The following SPTBN1 variants were observed in gnomAD, a reference collection of about 807,000 sequenced individuals.
SPTBN1 encodes spectrin beta, non-erythrocytic 1, also known as spectrin beta chain, non-erythrocytic 1.
A neutral mutation model predicts 266.4 loss-of-function variants in SPTBN1; 32 were observed. The observed-to-expected ratio is 0.12, with a 90% CI of 0.09 to 0.16. SPTBN1 has a LOEUF of 0.16. SPTBN1 is among the 10% of genes least tolerant of loss of function. SPTBN1 has a pLI of 1.00. For synonymous variants in SPTBN1, 1,336 were observed against 1,162.2 expected, an observed-to-expected ratio of 1.15 and a Z score of -3.04; for missense variants, 2,296 against 3,067.1, an observed-to-expected ratio of 0.75 and a Z score of 5.94.
At chr2:54,647,983 A>G (rs896070997) in intron 24 of SPTBN1, among the ~76,000 whole-genome samples, 1 of 152,238 alleles carries the variant, frequency 6.6e-6, no homozygotes, top group Admixed American at 6.5e-5. Flanking sequence ...ACAAGAATGC[A>G]TAGACCTGTA....
Position 54,618,291 on chromosome 2 carries a change from T to G in SPTBN1, c.763+98T>G, listed in dbSNP as rs1284533548. The G allele has an allele frequency of 5.6e-6, 6 of 1,072,398 alleles. No individual in the cohort carries two copies. In the Admixed American group the frequency reaches 1.1e-4, roughly 19 times the overall value. 66.4% of individuals were successfully genotyped at this position (1,072,398 alleles called of 1,614,324 possible). A position where few individuals can be genotyped will look rare whatever the true frequency, so the allele number is the denominator to read the frequency against. On this transcript the variant is annotated intron_variant, in intron 7 of 35. Transcript: ENST00000356805. ...TGTGTCAGTCTGTTTCATTTGGGAG[T>G]TATCAAAGGAAGAGCTTAATTTTGG...
intron 1 of SPTBN1, among the ~76,000 whole-genome samples, chr2:54,489,194 G>T (rs759358714): frequency 6.8e-6 from 1 of 148,064 alleles, no homozygotes; most frequent in Non-Finnish European, 1.5e-5. Context: ...GGTGGTGTGT[G>T]CCTACAGTCC....
At chr2:54,610,348 C>G (rs1205495021) in intron 3 of SPTBN1, among the ~76,000 whole-genome samples, 1 of 152,172 alleles carries the variant, frequency 6.6e-6, no homozygotes, top group East Asian at 1.9e-4. Flanking sequence ...CATTTTTTCT[C>G]AAATCATATT....
rs11903764 is a variant in SPTBN1 at position 54,473,049 on chromosome 2, G to A, written c.-48+16531G>A. Among the ~76,000 whole-genome samples the A allele has an allele frequency of 6.4e-3, 979 of 152,256 alleles. 12 individuals are homozygous for A. The highest frequency in any genetic ancestry group is 0.022 in the African/African-American group (929 of 41,540). On this transcript the variant is annotated intron_variant, in intron 1 of 35. Transcript: ENST00000356805. ...TGTGATAATTTCATAGCTCTGTAGC[G>A]TATCCTGAAAATGGCTTTGTTTCTT...
intron 2 of SPTBN1, among the ~76,000 whole-genome samples, chr2:54,579,541 A>ACAGTTC (rs1265067213): frequency 6.6e-6 from 1 of 152,222 alleles, no homozygotes; most frequent in Non-Finnish European, 1.5e-5. Context: ...TTAATACCTG[A>ACAGTTC]ACTGTGGACA....
chr2:54,656,722 T>G (rs567894492), intron 29 of SPTBN1, among the ~76,000 whole-genome samples: 1 of 152,342 alleles, frequency 6.6e-6, no homozygotes, highest in East Asian at 1.9e-4. Context: ...GGGCCTTTTC[T>G]GAGAGGTTTG....
At chr2:54,565,469 ACCTGCCTCAGTTCT>A (rs1673601550) in intron 2 of SPTBN1, among the ~76,000 whole-genome samples, 2 of 152,198 alleles carry the variant, frequency 1.3e-5, no homozygotes, top group South Asian at 4.1e-4. Context: ...GGGGTCAGTT[ACCTGCCTCAGTTCT>A]CCCACAGTTG....
At chr2:54,642,507 AG>A (rs1679639155) in intron 18 of SPTBN1, among the ~76,000 whole-genome samples, 1 of 149,384 alleles carries the variant, frequency 6.7e-6, no homozygotes, top group African/African-American at 2.5e-5. Flanking sequence ...ACCCACAAAA[AG>A]GGGGAGGTAA....
intron 2 of SPTBN1, among the ~76,000 whole-genome samples, chr2:54,569,621 C>T (rs746687215): frequency 1.1e-4 from 17 of 152,056 alleles, no homozygotes; most frequent in Non-Finnish European, 2.1e-4. Flanking sequence ...TGCCTCTTAC[C>T]AAATATTGGC....
rs1042291488 is a variant in SPTBN1, at chr2:54,533,348, TAG to T, written c.148+6783_148+6784del. On this transcript the variant is annotated intron_variant, in intron 2 of 35. Coordinates refer to ENST00000356805, the MANE Select transcript of SPTBN1 (RefSeq NM_003128.3). The surrounding 1 kb of genome is among the most constrained non-coding windows in gnomAD (Gnocchi z 4.2). ...AAGTGAAACCCAGGCTAAAGGGGAC[TAG>T]TGTGTGTGTGTGTGTGTGTGTGTGT... Among the ~76,000 whole-genome samples the T allele has an allele frequency of 8.4e-6, 1 of 119,610 alleles. No individual in the cohort carries two copies. Among genetic ancestry groups the T allele is most frequent in the African/African-American group, 3.5e-5 (1 of 28,836 alleles). The allele number at this position is 119,610 out of a possible 152,430, so 78.5% of individuals were successfully genotyped here. A position where few individuals can be genotyped will look rare whatever the true frequency, so the allele number is the denominator to read the frequency against.
intron 34 of SPTBN1, among the ~76,000 whole-genome samples, chr2:54,666,823 C>A (rs1681402438): frequency 6.6e-6 from 1 of 152,184 alleles, no homozygotes; most frequent in Non-Finnish European, 1.5e-5. Context: ...TGGACTAGGC[C>A]CAGGGCTCCA....
At position 54,628,199 on chromosome 2, in the gene SPTBN1, C is replaced by T. The variant is rs1215130610; in HGVS notation, c.1747C>T (p.Arg583Trp). The T allele has an allele frequency of 1.2e-6, 2 of 1,613,922 alleles. No individual in the cohort carries two copies. Among genetic ancestry groups the T allele is most frequent in the Non-Finnish European group, 1.7e-6 (2 of 1,179,946 alleles). The change falls in exon 13 of 36, where the codon CGG becomes TGG. Residue 583 changes from arginine (R) to tryptophan (W), a missense_variant. By Grantham distance (101) the Arg-to-Trp change is moderately radical (BLOSUM62 -3). This residue lies in a region of SPTBN1 where 434 missense variants were observed against 573.9 expected (regional missense o/e 0.76). Coordinates refer to ENST00000356805, the MANE Select transcript of SPTBN1 (RefSeq NM_003128.3). The surrounding 1 kb of genome is among the most constrained non-coding windows in gnomAD (Gnocchi z 4.3). ...AGCAGACATTGGCATCCAGGCAGAG[C>T]GGGTGAGAGGTGTCAATGCCTCCGC... ...VEADIGIQAE[R>W]VRGVNASAQK...
chr2:54,648,050 C>T lies in SPTBN1; in HGVS notation c.4997+789C>T, dbSNP rs560988154. ...ATAACACCTCCTAACTCTTCGATATCAAGTGATTAGAACACCTTCGAGGAA... is the reference window on the plus strand; with the variant it reads ...ATAACACCTCCTAACTCTTCGATATTAAGTGATTAGAACACCTTCGAGGAA... On this transcript the variant is annotated intron_variant, in intron 24 of 35. Coordinates refer to ENST00000356805, the MANE Select transcript of SPTBN1 (RefSeq NM_003128.3). Among the ~76,000 whole-genome samples, 5 of 152,308 alleles carry T rather than the reference C, an allele frequency of 3.3e-5. No individual in the cohort carries two copies. In the East Asian group the frequency reaches 9.6e-4, roughly 29 times the overall value.
At chr2:54,565,085 T>A (rs1673577262) in intron 2 of SPTBN1, among the ~76,000 whole-genome samples, 1 of 152,170 alleles carries the variant, frequency 6.6e-6, no homozygotes, top group Admixed American at 6.5e-5. Context: ...AGATCTCCAC[T>A]TCTCACCTAC....
chr2:54,602,113 G>A (rs1448271137), intron 3 of SPTBN1, among the ~76,000 whole-genome samples: 1 of 152,180 alleles, frequency 6.6e-6, no homozygotes, highest in Non-Finnish European at 1.5e-5. Context: ...TGCTAGTCAG[G>A]ATTAGATTGA....
intron 2 of SPTBN1, chr2:54,535,199 C>G (rs925692311): frequency 1.3e-5 from 2 of 152,252 alleles, no homozygotes; most frequent in African/African-American, 2.4e-5. Flanking sequence ...CTTTTCCTGG[C>G]TCTGTCTGCA....
rs542800414 is a variant in SPTBN1, at chr2:54,457,613, T to G, written c.-48+1095T>G. On this transcript the variant is annotated intron_variant, in intron 1 of 35. Coordinates refer to ENST00000356805, the MANE Select transcript of SPTBN1 (RefSeq NM_003128.3). Reference sequence around the variant, plus strand: ...ATGGCTCACGGTGCCCTCGCCGTGATGCAGCACAATGCAGCAGTATCGCAG... The same window carrying G: ...ATGGCTCACGGTGCCCTCGCCGTGAGGCAGCACAATGCAGCAGTATCGCAG... Among the ~76,000 whole-genome samples, 3 of 152,316 alleles carry G rather than the reference T, an allele frequency of 2.0e-5. No homozygotes were observed. In the South Asian group the frequency reaches 6.2e-4, roughly 32 times the overall value.
At position 54,579,545 on chromosome 2, in the gene SPTBN1, G is replaced by A. The variant is rs111505382; in HGVS notation, c.149-19547G>A. On this transcript the variant is annotated intron_variant, in intron 2 of 35. Transcript: ENST00000356805. ...ATATAGCTCTCTTAATACCTGAACT[G>A]TGGACAGACCAGATCCTCACTGAGC... Among the ~76,000 whole-genome samples, 866 of 152,336 alleles carry A rather than the reference G, an allele frequency of 5.7e-3. 11 individuals are homozygous for A. The highest frequency in any genetic ancestry group is 0.02 in the African/African-American group (832 of 41,570).
chr2:54,465,637 C>CATATATATATATATATATATATA lies in SPTBN1; in HGVS notation c.-48+9119_-48+9120insATATATATATATATATATATATA, dbSNP rs1433073794. Among the ~76,000 whole-genome samples, 404 of 89,600 alleles carry CATATATATATATATATATATATA rather than the reference C, an allele frequency of 4.5e-3. 13 individuals are homozygous for CATATATATATATATATATATATA. Among genetic ancestry groups the CATATATATATATATATATATATA allele is most frequent in the Non-Finnish European group, 6.5e-3 (295 of 45,584 alleles). 58.8% of individuals were successfully genotyped at this position (89,600 alleles called of 152,430 possible). On this transcript the variant is annotated intron_variant, in intron 1 of 35. Coordinates refer to ENST00000356805, the MANE Select transcript of SPTBN1 (RefSeq NM_003128.3). The stretch of plus-strand genomic sequence containing the variant: ...TATGATGCATACATATCATGTTTAT[C>CATATATATATATATATATATATA]TCATATATATATATATATATATATA...
Sources: allele counts gnomAD v4.1 joint callset (sites outside exome capture counted in the v4.1 genomes callset), GRCh38; gene constraint gnomAD v4.1.1; regional missense constraint gnomAD v4.1.1; non-coding constraint Gnocchi (gnomAD v3.1); transcripts MANE v1.5; gene names NCBI Gene and HGNC (gene_info 2026-07-23, HGNC 2026-07-21).